The following DLGAP2 variants were observed in gnomAD, a reference collection of about 807,000 sequenced individuals.
DLGAP2 encodes disks large-associated protein 2.
In DLGAP2, 26 loss-of-function variants were observed where a neutral mutation model predicts 100.3. The observed-to-expected ratio is 0.26, with a 90% CI of 0.19 to 0.36. The LOEUF (loss-of-function observed/expected upper bound fraction) is 0.36, where lower values mean the gene tolerates loss of function less well. Among genes scored for constraint, DLGAP2 ranks in the 10% least tolerant of loss-of-function variants. DLGAP2 has a pLI of 1.00. For synonymous variants in DLGAP2, 886 were observed against 630.1 expected (o/e 1.41, Z -6.08); for missense variants, 1,858 against 1,453.2 (o/e 1.28, Z -4.53).
chr8:751,622 G>C (rs1231678460), intron 1 of DLGAP2, among the ~76,000 whole-genome samples: 1 of 88,130 alleles, frequency 1.1e-5, no homozygotes, highest in Non-Finnish European at 3.5e-5. Context: ...TTTATAGTAA[G>C]TCCTTATAGG....
chr8:1,237,592 C>G (rs1469900400), intron 2 of DLGAP2, among the ~76,000 whole-genome samples: 1 of 146,690 alleles, frequency 6.8e-6, no homozygotes, highest in South Asian at 2.2e-4. Flanking sequence ...GTGTCTAGTT[C>G]TCTCACATGG....
At chr8:997,409 A>G (rs956184084) in intron 2 of DLGAP2, among the ~76,000 whole-genome samples, 1 of 152,162 alleles carries the variant, frequency 6.6e-6, no homozygotes, top group East Asian at 1.9e-4. Flanking sequence ...AAAGATACAC[A>G]TGTTATAAGA....
chr8:1,488,380 C>G, intron 3 of DLGAP2, among the ~76,000 whole-genome samples: 1 of 152,272 alleles, frequency 6.6e-6, no homozygotes, highest in Non-Finnish European at 1.5e-5. Context: ...GTCTCTTTTC[C>G]AAGCTCAGAT....
chr8:1,037,057 C>T (rs573220528), intron 2 of DLGAP2, among the ~76,000 whole-genome samples: 83 of 152,238 alleles, frequency 5.5e-4, no homozygotes, highest in African/African-American at 1.6e-3. Context: ...GAGGAGCTCC[C>T]TCATGGCGGA....
intron 2 of DLGAP2, among the ~76,000 whole-genome samples, chr8:1,000,257 G>C (rs1800911389): frequency 6.6e-6 from 1 of 151,422 alleles, no homozygotes; most frequent in Non-Finnish European, 1.5e-5. Context: ...TTTTGCACTG[G>C]ATTTTCTCTA....
intron 2 of DLGAP2, among the ~76,000 whole-genome samples, chr8:1,223,471 T>C (rs966629043): frequency 1.3e-5 from 2 of 152,232 alleles, no homozygotes; most frequent in African/African-American, 2.4e-5. Flanking sequence ...ACATTTCTCT[T>C]TCTTCTACAA....
intron 1 of DLGAP2, among the ~76,000 whole-genome samples, chr8:882,348 G>C (rs977570166): frequency 1.3e-5 from 2 of 151,252 alleles, no homozygotes; most frequent in Non-Finnish European, 2.9e-5. Context: ...ACCGCTCCCT[G>C]CGGAGGCCTC....
At chr8:802,788 A>C (rs1364861842) in intron 1 of DLGAP2, among the ~76,000 whole-genome samples, 2 of 152,128 alleles carry the variant, frequency 1.3e-5, no homozygotes, top group East Asian at 3.9e-4. Context: ...TTCAGGTCCC[A>C]AGTACCCGTT....
intron 2 of DLGAP2, among the ~76,000 whole-genome samples, chr8:1,008,748 A>G (rs1801193031): frequency 6.6e-6 from 1 of 152,158 alleles, no homozygotes; most frequent in Admixed American, 6.5e-5. Flanking sequence ...CCACCCCAGC[A>G]CTGAGGGTCC....
intron 2 of DLGAP2, among the ~76,000 whole-genome samples, chr8:1,056,538 C>T (rs188215654): frequency 6.6e-6 from 1 of 152,088 alleles, no homozygotes; most frequent in Non-Finnish European, 1.5e-5. Flanking sequence ...TTTATTTTTC[C>T]CCTAAGCCAG....
At chr8:1,699,341 C>G (rs1002431979) in intron 14 of DLGAP2, among the ~76,000 whole-genome samples, 1 of 151,786 alleles carries the variant, frequency 6.6e-6, no homozygotes, top group African/African-American at 2.4e-5. Context: ...CACAGTGGAT[C>G]ACGCCTGTAA....
intron 2 of DLGAP2, among the ~76,000 whole-genome samples, chr8:1,200,949 T>G (rs1184344696): frequency 6.6e-6 from 1 of 152,192 alleles, no homozygotes; most frequent in Non-Finnish European, 1.5e-5. Flanking sequence ...GAGCGTGTTG[T>G]GCACGGCGGG....
intron 2 of DLGAP2, among the ~76,000 whole-genome samples, chr8:989,910 C>T (rs886869492): frequency 6.6e-6 from 1 of 152,098 alleles, no homozygotes; most frequent in Non-Finnish European, 1.5e-5. Flanking sequence ...TTAAAAATAA[C>T]TGAATTGTAA....
chr8:1,177,878 T>A (rs769907087), intron 2 of DLGAP2, among the ~76,000 whole-genome samples: 13 of 152,156 alleles, frequency 8.5e-5, no homozygotes, highest in Non-Finnish European at 1.6e-4. Flanking sequence ...CTGTGGGGGC[T>A]CCCTTTCAGC....
intron 3 of DLGAP2, among the ~76,000 whole-genome samples, chr8:1,483,229 C>A (rs756829020): frequency 4.6e-5 from 7 of 152,114 alleles, no homozygotes; most frequent in Non-Finnish European, 1.0e-4. Context: ...TGTGGGGAAA[C>A]TCAGAAGGTT....
At chr8:1,625,106 C>G (rs78205473) in intron 6 of DLGAP2, among the ~76,000 whole-genome samples, 25 of 152,256 alleles carry the variant, frequency 1.6e-4, no homozygotes, top group African/African-American at 6.0e-4. Context: ...CAAGGGTTTA[C>G]TTTGAAAAGA....
intron 3 of DLGAP2, among the ~76,000 whole-genome samples, chr8:1,435,806 C>T (rs939019701): frequency 2.0e-5 from 3 of 151,722 alleles, no homozygotes; most frequent in Admixed American, 6.6e-5. Context: ...ATGGTGATAT[C>T]GACAGTCCTG....
At chr8:1,632,796 G>A (rs769132819) in intron 7 of DLGAP2, 31 bp from the exon 8 acceptor site, 44 of 1,565,622 alleles carry the variant, frequency 2.8e-5, no homozygotes, top group African/African-American at 8.1e-5. Flanking sequence ...CTGGAGGGCC[G>A]GGGCATCACG....
At chr8:1,089,214 T>C (rs1804090627) in intron 2 of DLGAP2, among the ~76,000 whole-genome samples, 1 of 152,252 alleles carries the variant, frequency 6.6e-6, no homozygotes, top group Admixed American at 6.5e-5. Flanking sequence ...GCTCTGGCCA[T>C]AGTAGCTGCT....
Sources: allele counts gnomAD v4.1 joint callset (sites outside exome capture counted in the v4.1 genomes callset), GRCh38; gene constraint gnomAD v4.1.1; transcripts MANE v1.5; gene names NCBI Gene and HGNC (gene_info 2026-07-23, HGNC 2026-07-21).